NALF1: variants seen among roughly 807,000 people sequenced by gnomAD.
The protein encoded by NALF1 is NALCN channel auxiliary factor 1.
In NALF1, 3 loss-of-function variants were observed where a neutral mutation model predicts 48.4. The ratio of observed to expected loss-of-function variants is 0.06; its 90% CI spans 0.03 to 0.16. The LOEUF is 0.16. NALF1 is among the 10% of genes least tolerant of loss of function. The probability of loss-of-function intolerance (pLI) is 1.00; values close to 1 mark genes in which losing one functional copy is unlikely to be tolerated. For synonymous variants in NALF1, 262 were observed against 245.7 expected (o/e 1.07, Z -0.62); for missense variants, 526 against 571.5 (o/e 0.92, Z 0.81).
chr13:107,457,459 C>A (rs1884842600), intron 1 of NALF1, among the ~76,000 whole-genome samples: 1 of 152,034 alleles, frequency 6.6e-6, no homozygotes, highest in Non-Finnish European at 1.5e-5. Context: ...GTGCAGAAAG[C>A]CAAGAAAGTG....
chr13:107,295,006 T>A (rs186034642), intron 1 of NALF1, among the ~76,000 whole-genome samples: 574 of 152,266 alleles, frequency 3.8e-3, no homozygotes, highest in Middle Eastern at 6.8e-3. Flanking sequence ...TTTTGACTTT[T>A]GTTTTAGATT....
At chr13:107,756,243 GGGGAA>G (rs1877089842) in intron 1 of NALF1, among the ~76,000 whole-genome samples, 1 of 152,008 alleles carries the variant, frequency 6.6e-6, no homozygotes, top group Non-Finnish European at 1.5e-5. Flanking sequence ...CACATCTACA[GGGGAA>G]GGTGTCTTTT....
rs1882407527 is a variant in NALF1, at chr13:107,328,434, A to AT, written c.916-117680dup. Among the ~76,000 whole-genome samples, 3 of 152,214 alleles carry AT rather than the reference A, an allele frequency of 2.0e-5. No homozygotes were observed. In the South Asian group the frequency reaches 6.2e-4, roughly 32 times the overall value. On this transcript the variant is annotated intron_variant, in intron 1 of 2. Coordinates refer to ENST00000375915, the MANE Select transcript of NALF1 (RefSeq NM_001080396.3). Reference sequence around the variant, plus strand: ...ACTTTTCTTGTACTTTGTTCAAATTATTTTTTAAAACAATTTCTAATTTAT... The same window carrying AT: ...ACTTTTCTTGTACTTTGTTCAAATTATTTTTTTAAAACAATTTCTAATTTAT...
At chr13:107,808,285 G>A (rs969112865) in intron 1 of NALF1, among the ~76,000 whole-genome samples, 3 of 152,022 alleles carry the variant, frequency 2.0e-5, no homozygotes, top group Non-Finnish European at 4.4e-5. Flanking sequence ...ACCTTTCTCG[G>A]CTCCATCTGT....
intron 1 of NALF1, among the ~76,000 whole-genome samples, chr13:107,219,395 AT>A: frequency 6.6e-6 from 1 of 152,332 alleles, no homozygotes; most frequent in Non-Finnish European, 1.5e-5. Context: ...TATAAATTCA[AT>A]TTTGGGCTCC....
intron 1 of NALF1, among the ~76,000 whole-genome samples, chr13:107,821,904 A>G (rs1879370113): frequency 6.6e-6 from 1 of 152,176 alleles, no homozygotes; most frequent in Non-Finnish European, 1.5e-5. Flanking sequence ...CATATTTTAG[A>G]AGGACTATGT....
intron 1 of NALF1, among the ~76,000 whole-genome samples, chr13:107,369,551 A>C (rs909147511): frequency 6.6e-6 from 1 of 152,150 alleles, no homozygotes; most frequent in African/African-American, 2.4e-5. Context: ...GATTAATGAA[A>C]TAATAAATTA....
chr13:107,769,067 T>C (rs1364748522), intron 1 of NALF1, among the ~76,000 whole-genome samples: 6 of 149,594 alleles, frequency 4.0e-5, no homozygotes, highest in Non-Finnish European at 7.5e-5. Flanking sequence ...TGTGGAGAAA[T>C]AGGAACACTT....
At chr13:107,262,414 C>CAAA (rs555761341) in intron 1 of NALF1, among the ~76,000 whole-genome samples, 4 of 151,768 alleles carry the variant, frequency 2.6e-5, no homozygotes, top group Admixed American at 6.6e-5. Context: ...AACTCTGTCT[C>CAAA]AAAAAAACAA....
At chr13:107,774,024 C>A (rs1406447461) in intron 1 of NALF1, among the ~76,000 whole-genome samples, 1 of 152,090 alleles carries the variant, frequency 6.6e-6, no homozygotes, top group Non-Finnish European at 1.5e-5. Flanking sequence ...GTTAAGTCAG[C>A]CTGTTATGCT....
intron 1 of NALF1, among the ~76,000 whole-genome samples, chr13:107,294,653 A>G (rs1358050612): frequency 6.6e-6 from 1 of 152,220 alleles, no homozygotes; most frequent in Non-Finnish European, 1.5e-5. Context: ...TAATGTGGAA[A>G]CTGAGGCAAA....
Position 107,246,006 on chromosome 13 carries a change from C to T in NALF1, c.916-35251G>A, listed in dbSNP as rs1246491920. On this transcript the variant is annotated intron_variant, in intron 1 of 2. Transcript: ENST00000375915. The stretch of plus-strand genomic sequence containing the variant: ...TTCTCCACAAATCAACTCATCTTGT[C>T]ATCTCTGCTGGCTTCGCAGGTACCC... 5.3e-5 allele frequency among the ~76,000 whole-genome samples: 8 copies of T among 152,200 alleles called. 1 individual carries two copies. In the East Asian group the frequency reaches 1.5e-3, roughly 29 times the overall value.
chr13:107,788,951 T>G (rs1295280798), intron 1 of NALF1: 1 of 152,194 alleles, frequency 6.6e-6, no homozygotes, highest in East Asian at 1.9e-4. Flanking sequence ...TTAACCTAGT[T>G]AAGTTAATGG....
intron 1 of NALF1, among the ~76,000 whole-genome samples, chr13:107,388,755 G>C (rs575135268): frequency 6.6e-6 from 1 of 152,134 alleles, no homozygotes; most frequent in Non-Finnish European, 1.5e-5. Context: ...CAGAATGTGG[G>C]GGAGCCTAGA....
intron 1 of NALF1, among the ~76,000 whole-genome samples, chr13:107,652,374 T>C (rs1199235718): frequency 6.6e-6 from 1 of 152,220 alleles, no homozygotes; most frequent in Admixed American, 6.5e-5. Context: ...GAAATAGTTA[T>C]GGTTCTTCAA....
intron 1 of NALF1, among the ~76,000 whole-genome samples, chr13:107,655,282 G>C (rs1441370599): frequency 1.3e-5 from 2 of 151,732 alleles, no homozygotes; most frequent in Non-Finnish European, 2.9e-5. Context: ...CCTAGAACTG[G>C]TAAATGAATT....
chr13:107,267,982 ATTTTTT>A (rs71121513), intron 1 of NALF1, among the ~76,000 whole-genome samples: 1 of 95,912 alleles, frequency 1.0e-5, no homozygotes, highest in Non-Finnish European at 2.0e-5. Context: ...TTTTTCTGGA[ATTTTTT>A]TTTTTTTTTT....
intron 1 of NALF1, among the ~76,000 whole-genome samples, chr13:107,775,449 C>G (rs1877703859): frequency 2.0e-5 from 3 of 151,542 alleles, no homozygotes; most frequent in South Asian, 4.2e-4. Flanking sequence ...TTAATCCAGT[C>G]TATCATTGTT....
At chr13:107,228,233 C>T (rs1419489763) in intron 1 of NALF1, among the ~76,000 whole-genome samples, 1 of 152,208 alleles carries the variant, frequency 6.6e-6, no homozygotes, top group African/African-American at 2.4e-5. Flanking sequence ...ACCCTAGTTC[C>T]TGTCATTCTA....
Sources: allele counts gnomAD v4.1 joint callset (sites outside exome capture counted in the v4.1 genomes callset), GRCh38; gene constraint gnomAD v4.1.1; transcripts MANE v1.5; gene names NCBI Gene and HGNC (gene_info 2026-07-23, HGNC 2026-07-21).